The following STARD10 variants were observed in gnomAD, a reference collection of about 807,000 sequenced individuals.
STARD10 encodes the protein StAR related lipid transfer domain containing 10, also known as START domain-containing protein 10.
A neutral mutation model predicts 36.0 loss-of-function variants in STARD10; 24 were observed. The observed-to-expected ratio is 0.67, with a 90% CI of 0.48 to 0.94. The LOEUF (loss-of-function observed/expected upper bound fraction) is 0.94. Among genes scored for constraint, STARD10 ranks in the 40% least tolerant of loss-of-function variants. The pLI, the probability that STARD10 is intolerant of heterozygous loss-of-function variation, is 0.00. For missense variants in STARD10, 335 were observed against 396.6 expected, an observed-to-expected ratio of 0.84 and a Z score of 1.32; for synonymous variants, 156 against 161.9, an observed-to-expected ratio of 0.96 and a Z score of 0.28.
chr11:72,776,391 C>T (rs935656865), intron 2 of STARD10, among the ~76,000 whole-genome samples: 16 of 152,180 alleles, frequency 1.1e-4, no homozygotes, highest in African/African-American at 3.9e-4. Flanking sequence ...CGCCTGCCAC[C>T]GCCGATAAGA....
At chr11:72,791,779 G>A (rs895746435) in intron 1 of STARD10, among the ~76,000 whole-genome samples, 3 of 152,016 alleles carry the variant, frequency 2.0e-5, no homozygotes, top group Non-Finnish European at 4.4e-5. Flanking sequence ...ATAAGTGAAG[G>A]CCCAGATAAT....
intron 2 of STARD10, among the ~76,000 whole-genome samples, chr11:72,770,641 G>C (rs1858843461): frequency 6.6e-6 from 1 of 152,170 alleles, no homozygotes; most frequent in African/African-American, 2.4e-5. Context: ...GAGTTAACCT[G>C]GGAACACTCT....
At chr11:72,756,954 G>A (rs1200465009) in intron 5 of STARD10, among the ~76,000 whole-genome samples, 1 of 152,036 alleles carries the variant, frequency 6.6e-6, no homozygotes. Flanking sequence ...GACCAGGCTG[G>A]CCAACATGGT....
rs752801080 is a variant in STARD10 at position 72,765,816 on chromosome 11, C to CAAAAAAAAAAAAAAAAAAAAAA, written c.208-6436_208-6435insTTTTTTTTTTTTTTTTTTTTTT. Among the ~76,000 whole-genome samples, 7 of 118,186 alleles carry CAAAAAAAAAAAAAAAAAAAAAA rather than the reference C, an allele frequency of 5.9e-5. 1 individual carries two copies. The highest frequency in any genetic ancestry group is 1.4e-4 in the African/African-American group (4 of 28,702). The allele number at this position is 118,186 out of a possible 152,430, so 77.5% of individuals were successfully genotyped here. Reference sequence around the variant, plus strand: ...TGAAAACCTGTCTCTACTAAAAATACAAAAAAAAAAAAAAATTAGCTGGGT... The same window carrying CAAAAAAAAAAAAAAAAAAAAAA: ...TGAAAACCTGTCTCTACTAAAAATACAAAAAAAAAAAAAAAAAAAAAAAAAAAAAAAAAAAAATTAGCTGGGT... On this transcript the variant is annotated intron_variant, in intron 2 of 6. Transcript: ENST00000334805.
chr11:72,778,768 C>G (rs1858956358), intron 2 of STARD10, among the ~76,000 whole-genome samples: 1 of 152,200 alleles, frequency 6.6e-6, no homozygotes, highest in African/African-American at 2.4e-5. Context: ...GCCCCAGTAT[C>G]CTTGCCTGCA....
chr11:72,786,949 C>A (rs554306393), intron 1 of STARD10, among the ~76,000 whole-genome samples: 1 of 152,020 alleles, frequency 6.6e-6, no homozygotes, highest in African/African-American at 2.4e-5. Context: ...GGCATGGTGG[C>A]ACATGCTGGT....
At chr11:72,780,804 G>A (rs778078712) in intron 2 of STARD10, 171 bp downstream of exon 2, 90 of 693,054 alleles carry the variant, frequency 1.3e-4, no homozygotes, top group Non-Finnish European at 2.0e-4. Context: ...TGGCCCATCT[G>A]TGTGATGGGG....
intron 1 of STARD10, among the ~76,000 whole-genome samples, chr11:72,786,227 C>T (rs1299333741): frequency 2.0e-5 from 3 of 152,120 alleles, no homozygotes; most frequent in Non-Finnish European, 4.4e-5. Context: ...TGGTGCACAC[C>T]TGAGGTCTCA....
intron 2 of STARD10, among the ~76,000 whole-genome samples, chr11:72,762,214 C>T (rs1858727331): frequency 6.6e-6 from 1 of 152,038 alleles, no homozygotes; most frequent in Non-Finnish European, 1.5e-5. Context: ...GTGTGAGCCA[C>T]TGTGCCCGGC....
In STARD10 at chr11:72,775,046, C is replaced by G. The variant is rs573841418; in HGVS notation, c.207+5929G>C. On this transcript the variant is annotated intron_variant, in intron 2 of 6. Transcript: ENST00000334805. ...TCTCTAGTCCCAGCAGGGACACAGC[C>G]TGGAGGCACCCTCCACTCCACTCTG... 1.4e-4 allele frequency among the ~76,000 whole-genome samples: 22 copies of G among 152,306 alleles called. No individual in the cohort carries two copies. In the South Asian group the frequency reaches 4.6e-3, roughly 32 times the overall value.
chr11:72,774,301 G>C (rs1858902917), intron 2 of STARD10, among the ~76,000 whole-genome samples: 1 of 152,232 alleles, frequency 6.6e-6, no homozygotes, highest in Non-Finnish European at 1.5e-5. Context: ...AGAAGCATCA[G>C]AGGTGGCAAG....
intron 3 of STARD10, among the ~76,000 whole-genome samples, chr11:72,758,946 G>T (rs890043330): frequency 3.9e-5 from 6 of 152,248 alleles, no homozygotes; most frequent in African/African-American, 1.4e-4. Flanking sequence ...GAAAATGTGT[G>T]CCTGGGACTA....
Position 72,775,881 on chromosome 11 carries a change from C to T in STARD10, c.207+5094G>A, listed in dbSNP as rs1016945126. Among the ~76,000 whole-genome samples, 5 of 152,178 alleles carry T rather than the reference C, an allele frequency of 3.3e-5. No individual in the cohort carries two copies. The East Asian group carries it at 7.7e-4, about 23-fold the overall frequency. On this transcript the variant is annotated intron_variant, in intron 2 of 6. Coordinates refer to ENST00000334805, the MANE Select transcript of STARD10 (RefSeq NM_006645.3). ...AGAGAACTTGCCCAGGGCCACACAGCGAGGACTCTGGATCCTGGTGTTCTT... is the reference window on the plus strand; with the variant it reads ...AGAGAACTTGCCCAGGGCCACACAGTGAGGACTCTGGATCCTGGTGTTCTT...
chr11:72,781,511 C>G lies in STARD10; in HGVS notation c.-113-217G>C, dbSNP rs1021178370. On this transcript the variant is annotated intron_variant, in intron 1 of 6. Transcript: ENST00000334805. The surrounding 1 kb of genome is among the most constrained non-coding windows in gnomAD (Gnocchi z 4.7). ...TATGGGACGCGGTGGCCGGCGGGCG[C>G]CCGTCGGGACCCAGGGACTGGCCGG... Among the ~76,000 whole-genome samples the G allele has an allele frequency of 2.0e-5, 3 of 151,492 alleles. No individual in the cohort carries two copies. The highest frequency in any genetic ancestry group is 3.0e-5 in the Non-Finnish European group (2 of 67,698).
intron 1 of STARD10, among the ~76,000 whole-genome samples, chr11:72,784,818 CTG>C (rs1859051481): frequency 6.6e-6 from 1 of 152,202 alleles, no homozygotes; most frequent in African/African-American, 2.4e-5. Context: ...GAAGGTGAGA[CTG>C]TGTACGAGAA....
chr11:72,765,816 C>CA (rs752801080), intron 2 of STARD10, among the ~76,000 whole-genome samples: 7,426 of 118,104 alleles, frequency 0.063, 414 homozygotes, highest in African/African-American at 0.14. Context: ...ACTAAAAATA[C>CA]AAAAAAAAAA....
chr11:72,754,975 G>GCT lies in STARD10; in HGVS notation c.796_797dup (p.Ser266ArgfsTer78), dbSNP rs763572139. ...GCTCCTCTCTGCTCTCGGCCACCGC[G>GCT]CTCTCGTCGATGTTCTCCAGTGAGT... is the stretch of plus-strand genomic sequence containing the variant. On this transcript the variant is annotated frameshift_variant, in exon 7 of 7. Coordinates refer to ENST00000334805, the MANE Select transcript of STARD10 (RefSeq NM_006645.3). LOFTEE classifies it high-confidence loss of function. The GCT allele has an allele frequency of 6.2e-7, 1 of 1,611,016 alleles. No homozygotes were observed. Among genetic ancestry groups the GCT allele is most frequent in the South Asian group, 1.1e-5 (1 of 90,670 alleles).
intron 2 of STARD10, among the ~76,000 whole-genome samples, chr11:72,774,636 CT>C (rs995758456): frequency 1.3e-5 from 2 of 152,264 alleles, no homozygotes; most frequent in African/African-American, 4.8e-5. Context: ...GCACCACCAT[CT>C]GCCCAGTCAG....
At chr11:72,789,220 C>CGT (rs1859112461) in intron 1 of STARD10, among the ~76,000 whole-genome samples, 1 of 152,156 alleles carries the variant, frequency 6.6e-6, no homozygotes, top group Admixed American at 6.6e-5. Context: ...GAGTTAATCC[C>CGT]GTGGAGTGCT....
Sources: allele counts gnomAD v4.1 joint callset (sites outside exome capture counted in the v4.1 genomes callset), GRCh38; gene constraint gnomAD v4.1.1; non-coding constraint Gnocchi (gnomAD v3.1); transcripts MANE v1.5; gene names NCBI Gene and HGNC (gene_info 2026-07-23, HGNC 2026-07-21).